The following FAT1 variants were observed in gnomAD, a reference collection of about 807,000 sequenced individuals.
The protein encoded by FAT1 is protocadherin Fat 1.
A neutral mutation model predicts 329.8 loss-of-function variants in FAT1; 171 were observed. The ratio of observed to expected loss-of-function variants is 0.52; its 90% CI spans 0.46 to 0.59. The LOEUF is 0.59. FAT1 is among the 20% of genes least tolerant of loss of function. FAT1 has a pLI of 0.00. For synonymous variants in FAT1, 2,233 were observed against 2,228.6 expected (o/e 1.00, Z -0.06); for missense variants, 5,672 against 5,774.4 (o/e 0.98, Z 0.57).
chr4:186,614,321 AG>A lies in FAT1; in HGVS notation c.9098del (p.Pro3033LeufsTer9). ...CEKTLYSDTI[P>X]EDVLPGKLIM... ...TCAATTTTCCAGGAAGGACGTCTTCAGGAATAGTGTCTGAATATAAAGTCTG... is the reference window on the plus strand; with the variant it reads ...TCAATTTTCCAGGAAGGACGTCTTCAGAATAGTGTCTGAATATAAAGTCTG... On this transcript the variant is annotated frameshift_variant, in exon 12 of 27. Transcript: ENST00000441802. LOFTEE classifies it high-confidence loss of function. 6.4e-7 allele frequency: 1 copy of A among 1,572,690 alleles called. No homozygotes were observed.
At position 186,708,882 on chromosome 4, in the gene FAT1, T is replaced by C. The variant is rs2126699811; in HGVS notation, c.946A>G (p.Lys316Glu). The change falls in exon 2 of 27, where the codon AAA becomes GAA. Residue 316 changes from lysine (K) to glutamate (E), a missense_variant. Lys to Glu is a moderately conservative substitution (Grantham distance 56, BLOSUM62 1). This residue lies in a region of FAT1 where 3,966 missense variants were observed against 3,915.2 expected (regional missense o/e 1.01). Transcript: ENST00000441802. Reference protein sequence around the residue: ...VRSFPGSKEYKVKAIGGIDWD... With the variant: ...VRSFPGSKEYEVKAIGGIDWD... ...TCAATGCCACCGATGGCTTTGACTT[T>C]ATACTCCTTACTCCCTGGAAAGGAC... is the stretch of plus-strand genomic sequence containing the variant. 2.5e-6 allele frequency: 4 copies of C among 1,613,968 alleles called. No homozygotes were observed. Among genetic ancestry groups the C allele is most frequent in the Non-Finnish European group, 3.4e-6 (4 of 1,179,882 alleles).
At chr4:186,604,110 G>GT (rs1302068482) in intron 18 of FAT1, 133 bp from the exon 19 acceptor site, 3 of 746,188 alleles carry the variant, frequency 4.0e-6, no homozygotes, top group Non-Finnish European at 6.4e-6. Context: ...CACAAGAAAC[G>GT]TATCAAAGAA....
chr4:186,664,371 A>G (rs1579412101), intron 2 of FAT1, among the ~76,000 whole-genome samples: 1 of 152,224 alleles, frequency 6.6e-6, no homozygotes, highest in Admixed American at 6.5e-5. Context: ...CAGAGGCCAC[A>G]TCATTCTTAA....
intron 2 of FAT1, among the ~76,000 whole-genome samples, chr4:186,697,923 G>A (rs80204101): frequency 0.012 from 1,809 of 152,260 alleles, 41 homozygotes; most frequent in African/African-American, 0.042. Context: ...GAGCCCCTTG[G>A]TATTGAATCA....
intron 2 of FAT1, among the ~76,000 whole-genome samples, chr4:186,672,567 C>T (rs1742778304): frequency 6.6e-6 from 1 of 152,124 alleles, no homozygotes; most frequent in Admixed American, 6.5e-5. Context: ...GGGATGGCAA[C>T]ATAACAGCAT....
chr4:186,609,347 G>A (rs764921412), intron 15 of FAT1, 27 bp from the exon 16 acceptor site: 2 of 1,607,602 alleles, frequency 1.2e-6, no homozygotes, highest in Non-Finnish European at 1.7e-6. Context: ...TCCTGTTTAG[G>A]AGACAGCTAA....
chr4:186,726,001 C>T (rs947912963), upstream of FAT1, among the ~76,000 whole-genome samples: 1 of 152,256 alleles, frequency 6.6e-6, no homozygotes, highest in Non-Finnish European at 1.5e-5. Flanking sequence ...CGCGCCTCGC[C>T]AGGTGCCCGG....
intron 5 of FAT1, 101 bp downstream of exon 5, chr4:186,636,484 A>G (rs1740822869): frequency 1.6e-6 from 2 of 1,277,320 alleles, no homozygotes; most frequent in Non-Finnish European, 2.2e-6. Flanking sequence ...CAAACACTTC[A>G]GCCGTTTACA....
chr4:186,686,645 C>A (rs1409271084), intron 2 of FAT1, among the ~76,000 whole-genome samples: 1 of 152,072 alleles, frequency 6.6e-6, no homozygotes, highest in Admixed American at 6.6e-5. Context: ...GTGAACAGAA[C>A]CCTGTGCCTT....
At chr4:186,604,840 GA>G (rs1440342615) in intron 17 of FAT1, among the ~76,000 whole-genome samples, 2 of 150,138 alleles carry the variant, frequency 1.3e-5, no homozygotes, top group Non-Finnish European at 3.0e-5. Context: ...GGGAGGAGGG[GA>G]AGCAGACACG....
At chr4:186,613,846 T>C (rs934664579) in intron 12 of FAT1, among the ~76,000 whole-genome samples, 2 of 152,208 alleles carry the variant, frequency 1.3e-5, no homozygotes, top group Non-Finnish European at 2.9e-5. Flanking sequence ...TGGTCACCAA[T>C]TCAAGAAAAT....
At position 186,633,632 on chromosome 4, in the gene FAT1, G is replaced by T. The variant is rs139066208; in HGVS notation, c.4323+52C>A. The T allele has an allele frequency of 5.6e-6, 9 of 1,608,304 alleles. No individual in the cohort carries two copies. In the East Asian group the frequency reaches 2.0e-4, roughly 36 times the overall value. ...ATATTGCCCGTGGACCCCTAAGTCA[G>T]AACGTTATCTCCATCCTCCTCTGAC... On this transcript the variant is annotated intron_variant, in intron 7 of 26. Transcript: ENST00000441802.
rs183730071 is a variant in FAT1, at chr4:186,618,941, A to G, written c.7645T>C (p.Phe2549Leu). 402 of 1,613,920 alleles carry G rather than the reference A, an allele frequency of 2.5e-4. 1 individual carries two copies. The highest frequency in any genetic ancestry group is 9.9e-4 in the Middle Eastern group (6 of 6,062). Residue 2549 changes from phenylalanine (F) to leucine (L), a missense_variant, in exon 10 of 27, where the codon TTT (phenylalanine) becomes CTT (leucine). Physicochemically the swap from Phe to Leu is conservative, Grantham distance 22. Coordinates refer to ENST00000441802, the MANE Select transcript of FAT1 (RefSeq NM_005245.4). ...RFYINERGQI[F>L]TLEKLDRETP... The stretch of plus-strand genomic sequence containing the variant: ...TCTCGATCAAGTTTTTCCAAAGTAA[A>G]TATCTGTCCTCTCTCATTTATGTAA...
intron 1 of FAT1, among the ~76,000 whole-genome samples, chr4:186,711,364 C>T (rs1232101739): frequency 6.6e-6 from 1 of 152,124 alleles, no homozygotes; most frequent in African/African-American, 2.4e-5. Flanking sequence ...TTTTTGGCTT[C>T]TAGGAGAACA....
At chr4:186,654,977 T>C (rs1741837279) in intron 3 of FAT1, among the ~76,000 whole-genome samples, 1 of 151,698 alleles carries the variant, frequency 6.6e-6, no homozygotes, top group African/African-American at 2.4e-5. Context: ...TAAGAAACAT[T>C]AAGCTGAAAC....
intron 2 of FAT1, among the ~76,000 whole-genome samples, chr4:186,691,364 T>G (rs1362322253): frequency 6.6e-6 from 1 of 152,236 alleles, no homozygotes; most frequent in African/African-American, 2.4e-5. Context: ...TTCTATATAC[T>G]ATATCCAAGA....
rs3733406 is a variant in FAT1, at chr4:186,618,434, T to A, written c.8152A>T (p.Ile2718Phe). ...CGGATGAGATCTATCTCTGTTCCAA[T>A]AGGCACGTCCTCTGACACTGTAAAG... ...YTFTVSEDVP[I>F]GTEIDLIRAE... Residue 2718 changes from isoleucine (I) to phenylalanine (F), a missense_variant, in exon 10 of 27, where the codon ATT becomes TTT. Transcript: ENST00000441802. 1 of 1,613,850 alleles carries A rather than the reference T, an allele frequency of 6.2e-7. No homozygotes were observed. The highest frequency in any genetic ancestry group is 1.3e-5 in the African/African-American group (1 of 74,912).
chr4:186,697,034 A>T (rs1040747619), intron 2 of FAT1, among the ~76,000 whole-genome samples: 3 of 152,234 alleles, frequency 2.0e-5, no homozygotes, highest in Admixed American at 6.5e-5. Flanking sequence ...GTCTTAGAAA[A>T]TAATTAATTA....
At position 186,671,019 on chromosome 4, in the gene FAT1, T is replaced by C. The variant is rs991501233; in HGVS notation, c.3266-7406A>G. Among the ~76,000 whole-genome samples, 5 of 152,186 alleles carry C rather than the reference T, an allele frequency of 3.3e-5. No individual in the cohort carries two copies. The South Asian group carries it at 6.2e-4, about 19-fold the overall frequency. Reference sequence around the variant, plus strand: ...AGCTGGGGCAGGGAGCAGGGAGTTATGTGAGCATTCTACTTTCTGCTCCAT... The same window carrying C: ...AGCTGGGGCAGGGAGCAGGGAGTTACGTGAGCATTCTACTTTCTGCTCCAT... On this transcript the variant is annotated intron_variant, in intron 2 of 26. Transcript: ENST00000441802.
Sources: allele counts gnomAD v4.1 joint callset (sites outside exome capture counted in the v4.1 genomes callset), GRCh38; gene constraint gnomAD v4.1.1; regional missense constraint gnomAD v4.1.1; transcripts MANE v1.5; gene names NCBI Gene and HGNC (gene_info 2026-07-23, HGNC 2026-07-21).